Variants in ITGB1 observed in about 807,000 individuals in gnomAD.
ITGB1 encodes integrin beta-1.
Under a neutral mutation model 86.5 loss-of-function variants are expected in ITGB1, and 24 were observed. That is an observed-to-expected ratio of 0.28 (90% CI 0.20 to 0.39). ITGB1 has a LOEUF of 0.39. Among genes scored for constraint, ITGB1 ranks in the 10% least tolerant of loss-of-function variants. The pLI, the probability that ITGB1 is intolerant of heterozygous loss-of-function variation, is 1.00. For missense variants in ITGB1, 556 were observed against 946.9 expected (o/e 0.59, Z 5.42); for synonymous variants, 323 against 316.8 (o/e 1.02, Z -0.21).
chr10:32,902,229 CTTG>C (rs1360117728), intron 15 of ITGB1, among the ~76,000 whole-genome samples: 1 of 152,158 alleles, frequency 6.6e-6, no homozygotes. Flanking sequence ...TATGAAATAA[CTTG>C]TTATGCTTCA....
chr10:32,916,095 C>T (rs1029592516), intron 11 of ITGB1, among the ~76,000 whole-genome samples: 10 of 152,224 alleles, frequency 6.6e-5, no homozygotes, highest in South Asian at 4.1e-4. Context: ...AAAAGGTGTT[C>T]GACAAAATTC....
chr10:32,902,363 A>G (rs905877762), intron 15 of ITGB1, among the ~76,000 whole-genome samples: 1 of 152,214 alleles, frequency 6.6e-6, no homozygotes, highest in African/African-American at 2.4e-5. Context: ...CCAAAAATAT[A>G]CTGACAGTGA....
chr10:32,910,569 A>G (rs1366253032), intron 13 of ITGB1, 114 bp from the exon 14 acceptor site: 1 of 628,872 alleles, frequency 1.6e-6, no homozygotes, highest in Non-Finnish European at 2.7e-6. Flanking sequence ...ACAGCTATGA[A>G]GGAAGATTTC....
intron 2 of ITGB1, among the ~76,000 whole-genome samples, chr10:32,933,911 G>T (rs944822016): frequency 6.6e-6 from 1 of 151,962 alleles, no homozygotes; most frequent in Non-Finnish European, 1.5e-5. Flanking sequence ...TTTAATGCTG[G>T]ACAAATTTAG....
At chr10:32,939,108 TG>T (rs2095011674) in intron 1 of ITGB1, among the ~76,000 whole-genome samples, 1 of 152,228 alleles carries the variant, frequency 6.6e-6, no homozygotes, top group African/African-American at 2.4e-5. Context: ...TGGGTTTACC[TG>T]GATGCCCTAG....
chr10:32,916,844 T>A (rs2094933232), intron 11 of ITGB1, among the ~76,000 whole-genome samples: 1 of 152,146 alleles, frequency 6.6e-6, no homozygotes, highest in Non-Finnish European at 1.5e-5. Context: ...AAAACTACTT[T>A]AAAGTTCATA....
rs1191171368 is a variant in ITGB1, at chr10:32,920,345, G to A, written c.1169C>T (p.Ser390Leu). 1 of 1,612,902 alleles carries A rather than the reference G, an allele frequency of 6.2e-7. No homozygotes were observed. Among genetic ancestry groups the A allele is most frequent in the African/African-American group, 1.3e-5 (1 of 74,834 alleles). Reference sequence around the variant, plus strand: ...TTTGTAACTTATTGTTACGCCTTCTGACAATTTGCCGTTTTCCAAAATGAC... The same window carrying A: ...TTTGTAACTTATTGTTACGCCTTCTAACAATTTGCCGTTTTCCAAAATGAC... ...SEVILENGKL[S>L]EGVTISYKSY... Residue 390 changes from serine to leucine, a missense_variant, in exon 10 of 16, where the codon TCA (serine) becomes TTA (leucine). Ser to Leu is a moderately radical substitution (Grantham distance 145). Around this residue, in one of 4 missense-constraint regions of ITGB1, gnomAD observed 330 missense variants for 531.5 expected, o/e 0.62. Coordinates refer to ENST00000302278, the MANE Select transcript of ITGB1 (RefSeq NM_002211.4).
At chr10:32,945,397 G>C (rs753925553) in intron 1 of ITGB1, among the ~76,000 whole-genome samples, 6 of 152,080 alleles carry the variant, frequency 3.9e-5, no homozygotes, top group Non-Finnish European at 8.8e-5. Context: ...AGGAGATCGA[G>C]ACCATCCTGG....
At chr10:32,945,134 T>C (rs2095028265) in intron 1 of ITGB1, 1 of 353,060 alleles carries the variant, frequency 2.8e-6, no homozygotes, top group Admixed American at 3.9e-5. Flanking sequence ...ACTGATTTTA[T>C]TCTGGATACT....
rs1030579543 is a variant in ITGB1, at chr10:32,930,062, T to C, written c.154-18A>G. ...AAAAATGTCTAAATGACATATAAAA[T>C]ATAGGTATAAATGAAAATTGTAATG... On this transcript the variant is annotated intron_variant, in intron 3 of 15. Coordinates refer to ENST00000302278, the MANE Select transcript of ITGB1 (RefSeq NM_002211.4). 8.2e-6 allele frequency: 7 copies of C among 855,014 alleles called. No homozygotes were observed. Among genetic ancestry groups the C allele is most frequent in the Non-Finnish European group, 1.0e-5 (5 of 496,550 alleles). The allele number at this position is 855,014 out of a possible 1,614,324, so 53.0% of individuals were successfully genotyped here. A position where few individuals can be genotyped will look rare whatever the true frequency, so the allele number is the denominator to read the frequency against.
chr10:32,904,110 C>T (rs1385804548), intron 15 of ITGB1, among the ~76,000 whole-genome samples: 7 of 151,650 alleles, frequency 4.6e-5, no homozygotes, highest in Non-Finnish European at 8.8e-5. Context: ...TCTGTCTTGT[C>T]GTATACACAA....
chr10:32,916,431 T>G (rs1565821978), intron 11 of ITGB1, among the ~76,000 whole-genome samples: 1 of 152,098 alleles, frequency 6.6e-6, no homozygotes, highest in Non-Finnish European at 1.5e-5. Context: ...GATTGTATAT[T>G]TAGAAAACCC....
In ITGB1 at chr10:32,911,469, A is replaced by C. The variant is rs200349597; in HGVS notation, c.1910T>G (p.Leu637Arg). 2.5e-6 allele frequency: 4 copies of C among 1,613,932 alleles called. No individual in the cohort carries two copies. The highest frequency in any genetic ancestry group is 3.4e-6 in the Non-Finnish European group (4 of 1,179,920). Residue 637 changes from leucine (L) to arginine (R), a missense_variant, in exon 13 of 16, where the codon CTT (leucine) becomes CGT (arginine). By Grantham distance (102) the Leu-to-Arg change is moderately radical. Around this residue, in one of 4 missense-constraint regions of ITGB1, gnomAD observed 330 missense variants for 531.5 expected, o/e 0.62. Transcript: ENST00000302278. ...GQTCEMCQTC[L>R]GVCAEHKECV... ...TTACTTATGCTCAGCACAGACACCA[A>C]GGCAGGTCTGACACATCTCACACGT... is the stretch of plus-strand genomic sequence containing the variant.
intron 15 of ITGB1, among the ~76,000 whole-genome samples, chr10:32,904,222 T>C (rs779364029): frequency 5.9e-5 from 9 of 152,164 alleles, no homozygotes; most frequent in Non-Finnish European, 1.3e-4. Context: ...TCATTTTAAA[T>C]GAAGGTAAAC....
At chr10:32,923,454 G>C (rs1355847583) in intron 7 of ITGB1, 131 bp downstream of exon 7, 5 of 641,080 alleles carry the variant, frequency 7.8e-6, no homozygotes, top group Non-Finnish European at 1.3e-5. Context: ...CTTTCAATCA[G>C]GACCCCTACT....
intron 11 of ITGB1, among the ~76,000 whole-genome samples, chr10:32,914,743 TTAG>T (rs2094926109): frequency 6.6e-6 from 1 of 151,908 alleles, no homozygotes; most frequent in Non-Finnish European, 1.5e-5. Context: ...ATTGTCAACA[TTAG>T]ACAGACCAAC....
At chr10:32,953,590 T>G (rs2095046799) in intron 1 of ITGB1, 2 of 151,814 alleles carry the variant, frequency 1.3e-5, no homozygotes, top group South Asian at 4.2e-4. Context: ...GCACTCTACT[T>G]ACATCAGGCA....
At chr10:32,940,571 A>C (rs887650894) in intron 1 of ITGB1, among the ~76,000 whole-genome samples, 3 of 152,176 alleles carry the variant, frequency 2.0e-5, no homozygotes, top group Middle Eastern at 3.2e-3. Context: ...TTATAATCTT[A>C]TGGGACCACT....
chr10:32,905,600 A>G (rs946263564), intron 15 of ITGB1, among the ~76,000 whole-genome samples: 4 of 152,212 alleles, frequency 2.6e-5, no homozygotes, highest in African/African-American at 9.6e-5. Context: ...CTGGAGCCCA[A>G]CTGCCTGGGT....
Sources: gnomAD v4.1 joint callset for allele counts (sites outside exome capture counted in the v4.1 genomes callset) on GRCh38, gnomAD v4.1.1 for gene constraint, gnomAD v4.1.1 regional missense constraint, MANE v1.5 for transcripts, NCBI Gene and HGNC (gene_info 2026-07-23, HGNC 2026-07-21) for gene names.